The following TJP3 variants were observed in gnomAD, a reference collection of about 807,000 sequenced individuals.
TJP3 encodes tight junction protein ZO-3.
In TJP3, 85 loss-of-function variants were observed where a neutral mutation model predicts 104.2. The ratio of observed to expected loss-of-function variants is 0.82; its 90% CI spans 0.68 to 0.98. The LOEUF (loss-of-function observed/expected upper bound fraction) is 0.98. TJP3 is among the 50% of genes least tolerant of loss of function. The pLI is 0.00. For synonymous variants in TJP3, 550 were observed against 550.6 expected, an observed-to-expected ratio of 1.00 and a Z score of 0.02; for missense variants, 1,367 against 1,322.8, an observed-to-expected ratio of 1.03 and a Z score of -0.52.
chr19:3,710,117 C>G (rs900552683), intron 1 of TJP3, among the ~76,000 whole-genome samples: 1 of 147,470 alleles, frequency 6.8e-6, no homozygotes, highest in Non-Finnish European at 1.5e-5. Flanking sequence ...CCACTGCACT[C>G]CAGCCTGGAC....
chr19:3,745,006 G>C (rs1599163326), intron 15 of TJP3, among the ~76,000 whole-genome samples: 1 of 152,002 alleles, frequency 6.6e-6, no homozygotes, highest in East Asian at 1.9e-4. Context: ...TCAGCACTTT[G>C]AGAGGCCAAG....
At position 3,731,977 on chromosome 19, in the gene TJP3, T is replaced by C. The variant is rs749798477; in HGVS notation, c.656T>C (p.Ile219Thr). Reference sequence around the variant, plus strand: ...GGCAGTCAGATCTTCATCAAGCACATTACAGATTCGGGCCTGGCTGCCCGG... The same window carrying C: ...GGCAGTCAGATCTTCATCAAGCACACTACAGATTCGGGCCTGGCTGCCCGG... The part of the protein sequence containing the change: ...KLGSQIFIKH[I>T]TDSGLAARHR... The change falls in exon 6 of 21, where the codon ATT (isoleucine) becomes ACT (threonine). Residue 219 changes from isoleucine to threonine, a missense_variant. Physicochemically the swap from Ile to Thr is moderately conservative, Grantham distance 89. Transcript: ENST00000541714. 2 of 1,613,760 alleles carry C rather than the reference T, an allele frequency of 1.2e-6. No individual in the cohort carries two copies. Among genetic ancestry groups the C allele is most frequent in the South Asian group, 1.1e-5 (1 of 91,016 alleles).
At position 3,734,491 on chromosome 19, in the gene TJP3, G is replaced by A. The variant is rs1039090316; in HGVS notation, c.986+56G>A. ...TAGGGAGGGAGAGGGAGGTGGGAGG[G>A]AGAGGGGAACGCGGGCGTAGCTTTC... On this transcript the variant is annotated intron_variant, in intron 8 of 20. Coordinates refer to ENST00000541714, the MANE Select transcript of TJP3 (RefSeq NM_001267560.2). The A allele has an allele frequency of 4.0e-6, 6 of 1,513,190 alleles. No homozygotes were observed. The East Asian group carries it at 1.4e-4, about 35-fold the overall frequency. The allele number at this position is 1,513,190 out of a possible 1,614,324, so 93.7% of individuals were successfully genotyped here. A position where few individuals can be genotyped will look rare whatever the true frequency, so the allele number is the denominator to read the frequency against.
intron 1 of TJP3, among the ~76,000 whole-genome samples, chr19:3,716,518 G>C (rs1169389912): frequency 6.7e-6 from 1 of 148,182 alleles, no homozygotes; most frequent in Non-Finnish European, 1.5e-5. Flanking sequence ...AGTTTTCTCA[G>C]CTGCAAAGTG....
intron 14 of TJP3, among the ~76,000 whole-genome samples, chr19:3,743,260 T>G (rs538931018): frequency 5.3e-4 from 79 of 150,388 alleles, no homozygotes; most frequent in African/African-American, 1.9e-3. Context: ...CTAGACTCCA[T>G]CTCAAAAAAA....
rs1181915920 is a variant in TJP3, at chr19:3,733,028, T to TA, written c.718-725_718-724insA. ...CTTTTCTCTTTTCTTTTCTCTTCTC[T>TA]TTTTTCTTTTCTTTTCTTTCTTTTT... On this transcript the variant is annotated intron_variant, in intron 6 of 20. Coordinates refer to ENST00000541714, the MANE Select transcript of TJP3 (RefSeq NM_001267560.2). Among the ~76,000 whole-genome samples, 8 of 117,290 alleles carry TA rather than the reference T, an allele frequency of 6.8e-5. No homozygotes were observed. The East Asian group carries it at 2.1e-3, about 30-fold the overall frequency. 76.9% of individuals were successfully genotyped at this position (117,290 alleles called of 152,430 possible).
At chr19:3,738,827 A>C (rs2036772593) in intron 12 of TJP3, 70 bp from the exon 13 acceptor site, 2 of 1,443,170 alleles carry the variant, frequency 1.4e-6, no homozygotes, top group Non-Finnish European at 1.9e-6. Context: ...AGCCAGGCCC[A>C]CTCTCGGGTG....
intron 1 of TJP3, among the ~76,000 whole-genome samples, chr19:3,708,837 G>C (rs1420033922): frequency 2.6e-5 from 4 of 152,196 alleles, no homozygotes; most frequent in African/African-American, 9.7e-5. Flanking sequence ...AGGGACCGGG[G>C]AGGCGGCAAA....
chr19:3,725,998 C>G (rs1006175349), intron 1 of TJP3, among the ~76,000 whole-genome samples: 1 of 152,216 alleles, frequency 6.6e-6, no homozygotes, highest in South Asian at 2.1e-4. Flanking sequence ...CCCGCCTTCC[C>G]ACTCCTGGAG....
At chr19:3,718,670 T>C (rs2036514464) in intron 1 of TJP3, among the ~76,000 whole-genome samples, 1 of 151,290 alleles carries the variant, frequency 6.6e-6, no homozygotes, top group Non-Finnish European at 1.5e-5. Flanking sequence ...GGTTTCACAA[T>C]GTTGGCCAGG....
chr19:3,744,120 A>G, intron 15 of TJP3, 86 bp downstream of exon 15: 1 of 1,249,368 alleles, frequency 8.0e-7, no homozygotes, highest in Non-Finnish European at 1.2e-6. Flanking sequence ...GAGTTAGAAT[A>G]ATGATGGCAA....
chr19:3,730,418 C>T lies in TJP3; in HGVS notation c.325C>T (p.Arg109Cys), dbSNP rs763887760. Residue 109 changes from arginine to cysteine, a missense_variant, in exon 5 of 21, where the codon CGC becomes TGC. By Grantham distance (180) the Arg-to-Cys change is radical. Coordinates refer to ENST00000541714, the MANE Select transcript of TJP3 (RefSeq NM_001267560.2). The surrounding 1 kb of genome is among the most constrained non-coding windows in gnomAD (Gnocchi z 7.3). Reference sequence around the variant, plus strand: ...CAAAGCCAGCCCCTCCAGCCCAGGGCGCCAGGACTCGGATGAAGACGATGG... The same window carrying T: ...CAAAGCCAGCCCCTCCAGCCCAGGGTGCCAGGACTCGGATGAAGACGATGG... Reference protein sequence around the residue: ...ATKASPSSPGRQDSDEDDGPQ... With the variant: ...ATKASPSSPGCQDSDEDDGPQ... 7.6e-6 allele frequency: 12 copies of T among 1,586,270 alleles called. No homozygotes were observed. The highest frequency in any genetic ancestry group is 6.8e-5 in the East Asian group (3 of 43,926).
In TJP3 at chr19:3,746,049, A is replaced by G. The variant is rs375012413; in HGVS notation, c.1978A>G (p.Lys660Glu). Residue 660 changes from lysine (K) to glutamate (E), a missense_variant, in exon 16 of 21, where the codon AAA becomes GAA. Physicochemically the swap from Lys to Glu is moderately conservative, Grantham distance 56. Transcript: ENST00000541714. This position sits in a 1 kb window ranked among gnomAD's most constrained non-coding sequence, Gnocchi z 4.1. ...GACCGACAGCCCCTCCAAGATCATC[A>G]AACTAGACACCGTGCGGGTGATTGC... ...SRTDSPSKII[K>E]LDTVRVIAEK... 15 of 1,610,116 alleles carry G rather than the reference A, an allele frequency of 9.3e-6. No individual in the cohort carries two copies. In the African/African-American group the frequency reaches 2.0e-4, roughly 22 times the overall value.
At chr19:3,743,181 A>G (rs986745446) in intron 14 of TJP3, among the ~76,000 whole-genome samples, 10 of 151,682 alleles carry the variant, frequency 6.6e-5, no homozygotes, top group African/African-American at 2.2e-4. Context: ...GGAGAACTGC[A>G]TGAACCTGGA....
chr19:3,715,989 G>C (rs1051999557), intron 1 of TJP3, among the ~76,000 whole-genome samples: 1 of 151,964 alleles, frequency 6.6e-6, no homozygotes, highest in Non-Finnish European at 1.5e-5. Context: ...ATGTTGGCCA[G>C]GCTGGTCTCG....
At position 3,730,043 on chromosome 19, in the gene TJP3, C is replaced by T. The variant is rs7258176; in HGVS notation, c.174C>T (p.Ile58=). 0.65 allele frequency: 1,048,664 copies of T among 1,613,036 alleles called. 342,831 individuals carry two copies. The highest frequency in any genetic ancestry group is 0.8 in the Admixed American group (48,151 of 59,964). ...AEGRLQTGDH[I]VMVNGVSMEN... is the part of the protein sequence containing the mutation. ...CCTCTCTCAGGACAGGCGACCACATCGTCATGGTGAACGGGGTTTCCATGG... is the reference window on the plus strand; with the variant it reads ...CCTCTCTCAGGACAGGCGACCACATTGTCATGGTGAACGGGGTTTCCATGG... Residue 58 remains isoleucine, a synonymous_variant, in exon 4 of 21, where the codon ATC becomes ATT. Coordinates refer to ENST00000541714, the MANE Select transcript of TJP3 (RefSeq NM_001267560.2). The surrounding 1 kb of genome is among the most constrained non-coding windows in gnomAD (Gnocchi z 7.3).
chr19:3,725,780 G>A (rs2036590216), intron 1 of TJP3, among the ~76,000 whole-genome samples: 1 of 151,632 alleles, frequency 6.6e-6, no homozygotes, highest in Non-Finnish European at 1.5e-5. Flanking sequence ...TGCTTTTCAG[G>A]CATTGAATCT....
intron 1 of TJP3, among the ~76,000 whole-genome samples, chr19:3,710,607 T>G (rs1382454566): frequency 1.3e-5 from 2 of 152,170 alleles, no homozygotes; most frequent in Non-Finnish European, 2.9e-5. Context: ...AGGGGAGCTG[T>G]GTTTGCTCAG....
chr19:3,745,988 C>G (rs1253114375), intron 15 of TJP3, 23 bp from the exon 16 acceptor site: 2 of 1,581,862 alleles, frequency 1.3e-6, no homozygotes, highest in Non-Finnish European at 1.7e-6. Context: ...CCTGAAGCTG[C>G]TGGTCCTCTC....
Sources: allele counts gnomAD v4.1 joint callset (sites outside exome capture counted in the v4.1 genomes callset), GRCh38; gene constraint gnomAD v4.1.1; non-coding constraint Gnocchi (gnomAD v3.1); transcripts MANE v1.5; gene names NCBI Gene and HGNC (gene_info 2026-07-23, HGNC 2026-07-21).